MGA: variants seen among roughly 807,000 people sequenced by gnomAD.
MGA encodes MAX dimerization protein MGA, also known as MAX gene-associated protein.
Under a neutral mutation model 261.1 loss-of-function variants are expected in MGA, and 40 were observed. That is an observed-to-expected ratio of 0.15 (90% confidence interval 0.12 to 0.20). The LOEUF is 0.20. Ranked by LOEUF, MGA falls within the 10% of genes least tolerant of loss-of-function variation. The pLI, the probability that MGA is intolerant of heterozygous loss-of-function variation, is 1.00. For synonymous variants in MGA, 1,302 were observed against 1,290.6 expected (o/e 1.01, Z -0.19); for missense variants, 3,397 against 3,630.5 (o/e 0.94, Z 1.65).
At chr15:41,650,235 A>T (rs17733703) in intron 1 of MGA, among the ~76,000 whole-genome samples, 37,991 of 152,000 alleles carry the variant, frequency 0.25, 5,258 homozygotes, top group Middle Eastern at 0.43. Flanking sequence ...TGTACATGGT[A>T]AGTGCTCAAT....
chr15:41,650,383 C>T (rs933898311), intron 1 of MGA, among the ~76,000 whole-genome samples: 1 of 152,176 alleles, frequency 6.6e-6, no homozygotes, highest in Non-Finnish European at 1.5e-5. Context: ...TAACACTAAG[C>T]CTTACTTGAT....
chr15:41,663,389 T>A (rs2057530300), intron 1 of MGA, among the ~76,000 whole-genome samples: 1 of 152,198 alleles, frequency 6.6e-6, no homozygotes, highest in Non-Finnish European at 1.5e-5. Context: ...GTGGTTTTCA[T>A]TAAAGCTTTT....
At chr15:41,727,074 C>A in intron 9 of MGA, 106 bp from the exon 10 acceptor site, 11 of 770,502 alleles carry the variant, frequency 1.4e-5, no homozygotes, top group Non-Finnish European at 2.0e-6. Context: ...ATTATTTTAA[C>A]GAGTTACTGC....
chr15:41,764,254 T>C (rs2063672692), intron 22 of MGA, among the ~76,000 whole-genome samples: 1 of 18,826 alleles, frequency 5.3e-5, no homozygotes, highest in Admixed American at 1.5e-3. Flanking sequence ...GTGTGGGTAT[T>C]TTTTTTTTTT....
intron 15 of MGA, among the ~76,000 whole-genome samples, chr15:41,746,745 GTT>G (rs1444496330): frequency 1.3e-5 from 2 of 149,228 alleles, no homozygotes; most frequent in East Asian, 3.8e-4. Flanking sequence ...CAGAGTGCCT[GTT>G]TGATAGAGAA....
intron 11 of MGA, among the ~76,000 whole-genome samples, chr15:41,729,799 T>G (rs1313656926): frequency 6.6e-6 from 1 of 152,174 alleles, no homozygotes; most frequent in East Asian, 1.9e-4. Flanking sequence ...CATGCCACTT[T>G]ACTCCAGCCT....
At chr15:41,672,410 C>G (rs992641489) in intron 2 of MGA, among the ~76,000 whole-genome samples, 1 of 152,192 alleles carries the variant, frequency 6.6e-6, no homozygotes, top group African/African-American at 2.4e-5. Flanking sequence ...CAGCCTTGGC[C>G]TTTCACAGTT....
chr15:41,768,154 T>C lies in MGA; in HGVS notation c.*874T>C, dbSNP rs1038970412. Reference sequence around the variant, plus strand: ...AGACAGTGGCCAAAATAAAAAATCATGGGGCTGGAAATTTCCCAAATCAAA... The same window carrying C: ...AGACAGTGGCCAAAATAAAAAATCACGGGGCTGGAAATTTCCCAAATCAAA... On this transcript the variant is annotated 3_prime_UTR_variant, in exon 24 of 24. Transcript: ENST00000219905. The C allele has an allele frequency of 2.0e-5, 3 of 152,610 alleles. No individual in the cohort carries two copies. Among genetic ancestry groups the C allele is most frequent in the Admixed American group, 1.3e-4 (2 of 15,284 alleles). The allele number at this position is 152,610 out of a possible 1,614,324, so 9.5% of individuals were successfully genotyped here. A position where few individuals can be genotyped will look rare whatever the true frequency, so the allele number is the denominator to read the frequency against.
At chr15:41,662,643 C>T (rs962819988) in intron 1 of MGA, among the ~76,000 whole-genome samples, 1 of 152,148 alleles carries the variant, frequency 6.6e-6, no homozygotes, top group African/African-American at 2.4e-5. Flanking sequence ...ACTGTCTTTG[C>T]CACCATTTGC....
chr15:41,705,018 G>T (rs575238412), intron 5 of MGA, among the ~76,000 whole-genome samples: 16 of 152,322 alleles, frequency 1.1e-4, no homozygotes, highest in Admixed American at 7.2e-4. Context: ...TAGGTTCTAA[G>T]TAGGCTCTGG....
intron 23 of MGA, 36 bp from the exon 24 acceptor site, chr15:41,765,968 A>G (rs1372799022): frequency 6.4e-7 from 1 of 1,555,892 alleles, no homozygotes; most frequent in African/African-American, 1.4e-5. Context: ...CACTAGATCT[A>G]AATGAATTTT....
At position 41,734,503 on chromosome 15, in the gene MGA, GTGT is replaced by G; in HGVS notation, c.3844-17_3844-15del. The stretch of plus-strand genomic sequence containing the variant: ...ATATATGTTAAGTTAAAGTATTTCT[GTGT>G]TACTGTCTCCTTCAGGAACCTGATT... On this transcript the variant is annotated splice_polypyrimidine_tract_variant and intron_variant, in intron 11 of 23. Coordinates refer to ENST00000219905, the MANE Select transcript of MGA (RefSeq NM_001164273.2). 6.3e-7 allele frequency: 1 copy of G among 1,586,382 alleles called. No homozygotes were observed. Among genetic ancestry groups the G allele is most frequent in the Non-Finnish European group, 8.6e-7 (1 of 1,160,134 alleles).
At chr15:41,716,013 C>T (rs549281741) in intron 9 of MGA, among the ~76,000 whole-genome samples, 1 of 152,206 alleles carries the variant, frequency 6.6e-6, no homozygotes, top group Non-Finnish European at 1.5e-5. Context: ...TGTGCCCTAT[C>T]CTTGACTATA....
At chr15:41,760,040 A>T (rs543483930) in intron 19 of MGA, 1 of 330,636 alleles carries the variant, frequency 3.0e-6, no homozygotes, top group African/African-American at 2.0e-5. Context: ...CAGATCTCGT[A>T]CGCCTGTAAC....
chr15:41,622,100 C>T (rs950920545), intron 1 of MGA, among the ~76,000 whole-genome samples: 1 of 152,092 alleles, frequency 6.6e-6, no homozygotes, highest in Non-Finnish European at 1.5e-5. Flanking sequence ...GGTTTTCCAG[C>T]GTCTTTGCTG....
At chr15:41,707,206 T>C (rs1567008433) in intron 5 of MGA, among the ~76,000 whole-genome samples, 1 of 152,232 alleles carries the variant, frequency 6.6e-6, no homozygotes, top group Non-Finnish European at 1.5e-5. Context: ...ACGATATATT[T>C]ACTGTATCAC....
intron 1 of MGA, among the ~76,000 whole-genome samples, chr15:41,667,082 A>T (rs535107637): frequency 6.6e-6 from 1 of 152,168 alleles, no homozygotes; most frequent in Non-Finnish European, 1.5e-5. Context: ...TGCCAGTCTG[A>T]TAAGTAAAAA....
chr15:41,656,344 T>TTC (rs59370765), upstream of MGA, among the ~76,000 whole-genome samples: 4,515 of 60,068 alleles, frequency 0.075, 712 homozygotes, highest in African/African-American at 0.2. Context: ...CTCTCCTCTC[T>TTC]TCTCTCTCTC....
chr15:41,761,715 A>G (rs972417396), intron 20 of MGA, 24 bp from the exon 21 acceptor site: 7 of 1,448,654 alleles, frequency 4.8e-6, no homozygotes, highest in African/African-American at 2.8e-5. Context: ...TCAATTTTCA[A>G]TAATACCACT....
Sources: gnomAD v4.1 joint callset for allele counts (sites outside exome capture counted in the v4.1 genomes callset) on GRCh38, gnomAD v4.1.1 for gene constraint, MANE v1.5 for transcripts, NCBI Gene and HGNC (gene_info 2026-07-23, HGNC 2026-07-21) for gene names.